PRRC2A: variants seen among roughly 807,000 people sequenced by gnomAD.
PRRC2A encodes protein PRRC2A.
A neutral mutation model predicts 224.6 loss-of-function variants in PRRC2A; 59 were observed. The ratio of observed to expected loss-of-function variants is 0.26; its 90% CI spans 0.21 to 0.33. The LOEUF (loss-of-function observed/expected upper bound fraction) is 0.33, where lower values mean the gene tolerates loss of function less well. Ranked by LOEUF, PRRC2A falls within the 10% of genes least tolerant of loss-of-function variation. The pLI, the probability that PRRC2A is intolerant of heterozygous loss-of-function variation, is 1.00. For synonymous variants in PRRC2A, 1,194 were observed against 1,109.5 expected, an observed-to-expected ratio of 1.08 and a Z score of -1.51; for missense variants, 3,095 against 2,880.7, an observed-to-expected ratio of 1.07 and a Z score of -1.70.
At chr6:31,622,574 C>A in intron 1 of PRRC2A, 116 bp from the exon 2 acceptor site, 1 of 507,830 alleles carries the variant, frequency 2.0e-6, no homozygotes, top group Non-Finnish European at 3.4e-6. Context: ...ATCATGGTTG[C>A]TTGAGAAGAG....
chr6:31,623,965 G>C (rs1775602744), intron 3 of PRRC2A, 56 bp downstream of exon 3: 14 of 1,586,496 alleles, frequency 8.8e-6, no homozygotes, highest in Non-Finnish European at 1.1e-5. Context: ...GAACTTCAGG[G>C]AGCATTGGGG....
At position 31,635,619 on chromosome 6, in the gene PRRC2A, G is replaced by A. The variant is rs1414057031; in HGVS notation, c.5411G>A (p.Ser1804Asn). ...PVSRDWELLP[S>N]AAASAEPQSK... ...TCACGAGACTGGGAGCTGCTTCCCA[G>A]TGCTGCTGCCTCTGCTGAGCCACAA... Residue 1804 changes from serine (S) to asparagine (N), a missense_variant, in exon 24 of 31, where the codon AGT (serine) becomes AAT (asparagine). Physicochemically the swap from Ser to Asn is conservative, Grantham distance 46 (BLOSUM62 1). Coordinates refer to ENST00000376033, the MANE Select transcript of PRRC2A (RefSeq NM_004638.4). The A allele has an allele frequency of 6.2e-7, 1 of 1,612,448 alleles. No individual in the cohort carries two copies. The highest frequency in any genetic ancestry group is 1.3e-5 in the African/African-American group (1 of 74,906).
intron 2 of PRRC2A, chr6:31,623,341 T>TA (rs769754611): frequency 7.3e-6 from 3 of 408,592 alleles, no homozygotes. Flanking sequence ...GATCTTGACT[T>TA]ACCACAACCT....
At chr6:31,626,699 A>T (rs942941233) in intron 9 of PRRC2A, 73 bp from the exon 10 acceptor site, 6 of 1,320,156 alleles carry the variant, frequency 4.5e-6, no homozygotes, top group Non-Finnish European at 6.3e-6. Context: ...CCATCTTGTT[A>T]CATAGTTCCA....
At chr6:31,634,442 T>A (rs142164582) in intron 19 of PRRC2A, 30 bp from the exon 20 acceptor site, 1 of 1,612,784 alleles carries the variant, frequency 6.2e-7, no homozygotes, top group Non-Finnish European at 8.5e-7. Flanking sequence ...ATCTCCTCAC[T>A]TCTCTTCTGG....
chr6:31,629,502 A>G (rs775173628), intron 13 of PRRC2A, 46 bp from the exon 14 acceptor site: 9 of 1,430,730 alleles, frequency 6.3e-6, no homozygotes, highest in Non-Finnish European at 8.8e-6. Flanking sequence ...TCCTTTGTCC[A>G]TGTGTGCTTT....
intron 17 of PRRC2A, 55 bp from the exon 18 acceptor site, chr6:31,633,804 A>G: frequency 6.5e-7 from 1 of 1,543,994 alleles, no homozygotes; most frequent in Non-Finnish European, 8.7e-7. Context: ...TAGAGAGGAA[A>G]AGTTAGGGTC....
intron 3 of PRRC2A, 136 bp from the exon 4 acceptor site, chr6:31,624,125 A>G: frequency 1.8e-6 from 2 of 1,121,436 alleles, no homozygotes; most frequent in Non-Finnish European, 2.6e-6. Flanking sequence ...ACAGCCTACA[A>G]AGGATGACAA....
chr6:31,631,111 T>C lies in PRRC2A; in HGVS notation c.2466-28T>C, dbSNP rs1009747819. The C allele has an allele frequency of 2.1e-6, 3 of 1,452,402 alleles. No homozygotes were observed. The highest frequency in any genetic ancestry group is 1.9e-6 in the Non-Finnish European group (2 of 1,077,176). 90.0% of individuals were successfully genotyped at this position (1,452,402 alleles called of 1,614,324 possible). A position where few individuals can be genotyped will look rare whatever the true frequency, so the allele number is the denominator to read the frequency against. On this transcript the variant is annotated intron_variant, in intron 15 of 30. Coordinates refer to ENST00000376033, the MANE Select transcript of PRRC2A (RefSeq NM_004638.4). This position sits in a 1 kb window ranked among gnomAD's most constrained non-coding sequence, Gnocchi z 4.5. ...AGTTCTGGTTTTCCTGAGATACTTA[T>C]TTCCATTCTTTCTGTCTGTCTCTTC...
At position 31,635,213 on chromosome 6, in the gene PRRC2A, G is replaced by A. The variant is rs777118453; in HGVS notation, c.5242G>A (p.Gly1748Ser). The A allele has an allele frequency of 1.2e-6, 2 of 1,614,196 alleles. No homozygotes were observed. The highest frequency in any genetic ancestry group is 1.7e-6 in the Non-Finnish European group (2 of 1,180,020). The change falls in exon 22 of 31, where the codon GGC (glycine) becomes AGC (serine). Residue 1748 changes from glycine to serine, a missense_variant. Gly to Ser is a moderately conservative substitution (Grantham distance 56). Around this residue, in one of 8 missense-constraint regions of PRRC2A, gnomAD observed 662 missense variants for 609.5 expected, o/e 1.09. Transcript: ENST00000376033. ...SQRTDRGTEP[G>S]PIRPSHRPGP... The stretch of plus-strand genomic sequence containing the variant: ...GCGTACAGACCGAGGCACAGAGCCT[G>A]GCCCCATTCGGCCATCCCATCGACC...
Position 31,635,482 on chromosome 6 carries a change from G to A in PRRC2A, c.5373+17G>A. ...GTCACTGAGGTAAGTGGGAGTAAGA[G>A]TTTGGTGGAAAGGCCCAAGATTTCT... On this transcript the variant is annotated intron_variant, in intron 23 of 30. Transcript: ENST00000376033. 1 of 1,613,742 alleles carries A rather than the reference G, an allele frequency of 6.2e-7. No homozygotes were observed. Among genetic ancestry groups the A allele is most frequent in the African/African-American group, 1.3e-5 (1 of 75,052 alleles).
Position 31,637,285 on chromosome 6 carries a change from T to A in PRRC2A, c.6294T>A (p.Ser2098Arg). ...TCAAGGCCACGCCTTCCACCTACAGTGGAGTCTTCCGCACCCAGCGCGTCG... is the reference window on the plus strand; with the variant it reads ...TCAAGGCCACGCCTTCCACCTACAGAGGAGTCTTCCGCACCCAGCGCGTCG... Reference protein sequence around the residue: ...SRLKATPSTYSGVFRTQRVDL... With the variant: ...SRLKATPSTYRGVFRTQRVDL... Residue 2098 changes from serine to arginine, a missense_variant, in exon 30 of 31, where the codon AGT (serine) becomes AGA (arginine). Around this residue, in one of 8 missense-constraint regions of PRRC2A, gnomAD observed 662 missense variants for 609.5 expected, o/e 1.09. Coordinates refer to ENST00000376033, the MANE Select transcript of PRRC2A (RefSeq NM_004638.4). 1.9e-6 allele frequency: 3 copies of A among 1,612,664 alleles called. No homozygotes were observed. The highest frequency in any genetic ancestry group is 2.5e-6 in the Non-Finnish European group (3 of 1,179,664).
Position 31,631,133 on chromosome 6 carries a change from C to T in PRRC2A, c.2466-6C>T. The T allele has an allele frequency of 2.7e-6, 4 of 1,491,110 alleles. No individual in the cohort carries two copies. Among genetic ancestry groups the T allele is most frequent in the Non-Finnish European group, 3.6e-6 (4 of 1,108,996 alleles). 92.4% of individuals were successfully genotyped at this position (1,491,110 alleles called of 1,614,324 possible). A position where few individuals can be genotyped will look rare whatever the true frequency, so the allele number is the denominator to read the frequency against. On this transcript the variant is annotated splice_polypyrimidine_tract_variant and splice_region_variant and intron_variant, in intron 15 of 30. Transcript: ENST00000376033. This position sits in a 1 kb window ranked among gnomAD's most constrained non-coding sequence, Gnocchi z 4.5. ...TTATTTCCATTCTTTCTGTCTGTCTCTTCAGGAGCGAGACTCCTCCAGTAC... is the reference window on the plus strand; with the variant it reads ...TTATTTCCATTCTTTCTGTCTGTCTTTTCAGGAGCGAGACTCCTCCAGTAC...
At position 31,629,742 on chromosome 6, in the gene PRRC2A, G is replaced by T; in HGVS notation, c.2151G>T (p.Met717Ile). ...GCCGGCCCCCACCCATGCCCCCAAT[G>T]AACTTTGATCCCCGATGGATGATGA... ...ALGRPPPMPP[M>I]NFDPRWMMIP... Residue 717 changes from methionine (M) to isoleucine (I), a missense_variant, in exon 14 of 31, where the codon ATG becomes ATT. Transcript: ENST00000376033. The T allele has an allele frequency of 6.2e-7, 1 of 1,611,594 alleles. No homozygotes were observed. Among genetic ancestry groups the T allele is most frequent in the Non-Finnish European group, 8.5e-7 (1 of 1,178,780 alleles).
At position 31,625,825 on chromosome 6, in the gene PRRC2A, T is replaced by C; in HGVS notation, c.793T>C (p.Tyr265His). 6.3e-7 allele frequency: 1 copy of C among 1,589,338 alleles called. No individual in the cohort carries two copies. ...CCCATATCTCCCGTTCCCTCCGCCCTATGGACCCCAGGGGCCTTACCGATA... is the reference window on the plus strand; with the variant it reads ...CCCATATCTCCCGTTCCCTCCGCCCCATGGACCCCAGGGGCCTTACCGATA... ...YPPYLPFPPP[Y>H]GPQGPYRYPT... Residue 265 changes from tyrosine to histidine, a missense_variant, in exon 8 of 31, where the codon TAT becomes CAT. By Grantham distance (83) the Tyr-to-His change is moderately conservative (BLOSUM62 2). Around this residue, in one of 8 missense-constraint regions of PRRC2A, gnomAD observed 287 missense variants for 275.3 expected, o/e 1.04. Coordinates refer to ENST00000376033, the MANE Select transcript of PRRC2A (RefSeq NM_004638.4). This position sits in a 1 kb window ranked among gnomAD's most constrained non-coding sequence, Gnocchi z 4.1.
chr6:31,637,667 G>T lies in PRRC2A; in HGVS notation c.*81G>T. On this transcript the variant is annotated 3_prime_UTR_variant, in exon 31 of 31. Coordinates refer to ENST00000376033, the MANE Select transcript of PRRC2A (RefSeq NM_004638.4). ...AGGGGGAAAGGGGTGGGCGGGGAGG[G>T]GTTCTGGGGCTGGGGCCTCACTTCC... The T allele has an allele frequency of 5.5e-6, 4 of 723,162 alleles. 2 individuals are homozygous for T. Among genetic ancestry groups the T allele is most frequent in the Non-Finnish European group, 8.2e-6 (4 of 490,648 alleles). The allele number at this position is 723,162 out of a possible 1,614,324, so 44.8% of individuals were successfully genotyped here. A position where few individuals can be genotyped will look rare whatever the true frequency, so the allele number is the denominator to read the frequency against.
chr6:31,632,444 C>T lies in PRRC2A; in HGVS notation c.3771C>T (p.Phe1257=). The change falls in exon 16 of 31, where the codon TTC becomes TTT. Residue 1257 remains phenylalanine (F), a synonymous_variant. Coordinates refer to ENST00000376033, the MANE Select transcript of PRRC2A (RefSeq NM_004638.4). ...AGCAGCAGGATAAACCGCCTCGTTT[C>T]CGGAGGCTGAAGCAGGAACGGGAGA... ...RAQQQDKPPR[F]RRLKQERENA... 1 of 1,604,988 alleles carries T rather than the reference C, an allele frequency of 6.2e-7. No individual in the cohort carries two copies. Among genetic ancestry groups the T allele is most frequent in the Middle Eastern group, 1.7e-4 (1 of 6,020 alleles).
chr6:31,635,719 C>G lies in PRRC2A; in HGVS notation c.5511C>G (p.Phe1837Leu). The G allele has an allele frequency of 1.2e-6, 2 of 1,606,002 alleles. No homozygotes were observed. The highest frequency in any genetic ancestry group is 2.7e-5 in the African/African-American group (2 of 74,712). The change falls in exon 24 of 31, where the codon TTC becomes TTG. Residue 1837 changes from phenylalanine to leucine, a missense_variant. This residue lies in a region of PRRC2A where 662 missense variants were observed against 609.5 expected (regional missense o/e 1.09). Transcript: ENST00000376033. Reference protein sequence around the residue: ...SSGQRLYPEVFYGSAGPSSSQ... With the variant: ...SSGQRLYPEVLYGSAGPSSSQ... Reference sequence around the variant, plus strand: ...GCCAGCGCCTGTATCCTGAGGTTTTCTATGGCAGTGCTGGGCCTTCCAGTT... The same window carrying G: ...GCCAGCGCCTGTATCCTGAGGTTTTGTATGGCAGTGCTGGGCCTTCCAGTT...
rs762847227 is a variant in PRRC2A, at chr6:31,631,714, C to G, written c.3041C>G (p.Ser1014Trp). Residue 1014 changes from serine (S) to tryptophan (W), a missense_variant, in exon 16 of 31, where the codon TCG (serine) becomes TGG (tryptophan). By Grantham distance (177) the Ser-to-Trp change is radical. Coordinates refer to ENST00000376033, the MANE Select transcript of PRRC2A (RefSeq NM_004638.4). This position sits in a 1 kb window ranked among gnomAD's most constrained non-coding sequence, Gnocchi z 4.5. ...SPAPRLRRDY[S>W]YERVGPTSCR... Reference sequence around the variant, plus strand: ...GCCCCAAGGCTTCGGAGGGACTATTCGTATGAAAGAGTGGGTCCTACCTCT... The same window carrying G: ...GCCCCAAGGCTTCGGAGGGACTATTGGTATGAAAGAGTGGGTCCTACCTCT... The G allele has an allele frequency of 3.9e-5, 59 of 1,518,152 alleles. No individual in the cohort carries two copies. The highest frequency in any genetic ancestry group is 4.8e-5 in the Non-Finnish European group (54 of 1,134,186). The allele number at this position is 1,518,152 out of a possible 1,614,324, so 94.0% of individuals were successfully genotyped here.
Sources: gnomAD v4.1 joint callset for allele counts on GRCh38, gnomAD v4.1.1 for gene constraint, gnomAD v4.1.1 regional missense constraint, Gnocchi (gnomAD v3.1) non-coding constraint, MANE v1.5 for transcripts, NCBI Gene and HGNC (gene_info 2026-07-23, HGNC 2026-07-21) for gene names.